The following EPHA7 variants were observed in gnomAD, a reference collection of about 807,000 sequenced individuals.
EPHA7 encodes the protein EPH receptor A7, also known as ephrin type-A receptor 7.
Under a neutral mutation model 112.6 loss-of-function variants are expected in EPHA7, and 25 were observed. That is an observed-to-expected ratio of 0.22 (90% CI 0.16 to 0.31). EPHA7 has a LOEUF of 0.31. Among genes scored for constraint, EPHA7 ranks in the 10% least tolerant of loss-of-function variants. The probability of loss-of-function intolerance (pLI) is 1.00; values close to 1 mark genes in which losing one functional copy is unlikely to be tolerated. For missense variants in EPHA7, 962 were observed against 1,212.6 expected (o/e 0.79, Z 3.07); for synonymous variants, 437 against 406.5 (o/e 1.07, Z -0.90).
chr6:93,277,694 T>C (rs1771534194), intron 5 of EPHA7, among the ~76,000 whole-genome samples: 1 of 152,006 alleles, frequency 6.6e-6, no homozygotes, highest in South Asian at 2.1e-4. Context: ...ATTATGTTAT[T>C]TGCATTGCTA....
rs1018100619 is a variant in EPHA7, at chr6:93,358,514, T to C, written c.833-103A>G. The C allele has an allele frequency of 8.1e-5, 76 of 937,886 alleles. No homozygotes were observed. In the Middle Eastern group the frequency reaches 1.4e-3, roughly 17 times the overall value. The allele number at this position is 937,886 out of a possible 1,614,324, so 58.1% of individuals were successfully genotyped here. A position where few individuals can be genotyped will look rare whatever the true frequency, so the allele number is the denominator to read the frequency against. On this transcript the variant is annotated intron_variant, in intron 3 of 16. Coordinates refer to ENST00000369303, the MANE Select transcript of EPHA7 (RefSeq NM_004440.4). ...GGAATCAAATATTAAATGTGATGTA[T>C]GTAAAACAAGCTCTTGATGATAAAA...
intron 5 of EPHA7, among the ~76,000 whole-genome samples, chr6:93,308,541 T>C (rs1773373631): frequency 6.6e-6 from 1 of 152,128 alleles, no homozygotes; most frequent in Non-Finnish European, 1.5e-5. Context: ...TTCTGAGATG[T>C]ACACAGAAAG....
chr6:93,366,495 T>A (rs1776517161), intron 3 of EPHA7, among the ~76,000 whole-genome samples: 1 of 152,182 alleles, frequency 6.6e-6, no homozygotes, highest in Admixed American at 6.5e-5. Flanking sequence ...ATGCTGTCTT[T>A]AAAAAATGCA....
intron 14 of EPHA7, among the ~76,000 whole-genome samples, chr6:93,247,354 C>G (rs1769999491): frequency 1.3e-5 from 2 of 152,158 alleles, no homozygotes; most frequent in Non-Finnish European, 2.9e-5. Context: ...AATAATTCTG[C>G]AAGTTGTAAA....
chr6:93,333,332 G>T (rs1283523414), intron 5 of EPHA7, among the ~76,000 whole-genome samples: 1 of 151,714 alleles, frequency 6.6e-6, no homozygotes, highest in African/African-American at 2.4e-5. Flanking sequence ...ACTGTAAATT[G>T]TGCTGTGACG....
intron 5 of EPHA7, among the ~76,000 whole-genome samples, chr6:93,349,766 T>C (rs1775595511): frequency 1.3e-5 from 2 of 151,920 alleles, no homozygotes; most frequent in Non-Finnish European, 2.9e-5. Context: ...CAAATTTAAA[T>C]GGAATTAATT....
chr6:93,274,956 G>A (rs982654094), intron 5 of EPHA7, among the ~76,000 whole-genome samples: 4 of 151,818 alleles, frequency 2.6e-5, no homozygotes, highest in Non-Finnish European at 5.9e-5. Context: ...GTGGCATAAG[G>A]TATGTTAATC....
rs574035215 is a variant in EPHA7, at chr6:93,251,474, C to T, written c.2532+3173G>A. Among the ~76,000 whole-genome samples, 40 of 150,270 alleles carry T rather than the reference C, an allele frequency of 2.7e-4. 1 individual carries two copies. The highest frequency in any genetic ancestry group is 1.0e-3 in the Admixed American group (15 of 14,924). On this transcript the variant is annotated intron_variant, in intron 14 of 16. Coordinates refer to ENST00000369303, the MANE Select transcript of EPHA7 (RefSeq NM_004440.4). ...TATATAAGAAAAAAATACTTTCTTA[C>T]GTTATTTTTTTAAAAATACTTTTTT...
At chr6:93,265,350 T>TA (rs925697144) in intron 7 of EPHA7, among the ~76,000 whole-genome samples, 5 of 151,676 alleles carry the variant, frequency 3.3e-5, no homozygotes, top group African/African-American at 1.2e-4. Flanking sequence ...GCAAGTGCTT[T>TA]AAAAAACACT....
chr6:93,389,856 A>G (rs1216392053), intron 3 of EPHA7, among the ~76,000 whole-genome samples: 1 of 152,012 alleles, frequency 6.6e-6, no homozygotes, highest in East Asian at 1.9e-4. Flanking sequence ...ACAGAATAAA[A>G]CAATAAATAC....
rs199497525 is a variant in EPHA7, at chr6:93,264,719, T to C, written c.1634-17A>G. The C allele has an allele frequency of 1.0e-4, 154 of 1,519,412 alleles. No homozygotes were observed. Among genetic ancestry groups the C allele is most frequent in the Admixed American group, 6.9e-4 (37 of 53,522 alleles). The allele number at this position is 1,519,412 out of a possible 1,614,324, so 94.1% of individuals were successfully genotyped here. On this transcript the variant is annotated splice_polypyrimidine_tract_variant and intron_variant, in intron 7 of 16. Transcript: ENST00000369303. ...CAGCTGTAGCTGTAAACAGAGGAAA[T>C]AGGCTCAGAAATACTTGACACCATG...
chr6:93,310,216 T>G (rs535640632), intron 5 of EPHA7, among the ~76,000 whole-genome samples: 1 of 152,208 alleles, frequency 6.6e-6, no homozygotes, highest in Non-Finnish European at 1.5e-5. Flanking sequence ...ATGACTTCAA[T>G]GGAGAAAGTT....
intron 4 of EPHA7, among the ~76,000 whole-genome samples, chr6:93,357,608 A>T (rs910796876): frequency 6.6e-6 from 1 of 151,704 alleles, no homozygotes. Context: ...TAATTCAGAA[A>T]CCATTACTTT....
chr6:93,356,041 A>G (rs76274408), intron 5 of EPHA7, among the ~76,000 whole-genome samples: 3,459 of 152,258 alleles, frequency 0.023, 139 homozygotes, highest in African/African-American at 0.078. Context: ...CTCTTTCATT[A>G]TTCCTAATTA....
chr6:93,360,629 T>C (rs1447755730), intron 3 of EPHA7, among the ~76,000 whole-genome samples: 4 of 152,232 alleles, frequency 2.6e-5, no homozygotes, highest in African/African-American at 9.6e-5. Flanking sequence ...CTAATTCCCC[T>C]TTTTCCACAA....
intron 15 of EPHA7, among the ~76,000 whole-genome samples, chr6:93,246,340 G>C (rs1016983437): frequency 6.6e-6 from 1 of 152,032 alleles, no homozygotes; most frequent in Non-Finnish European, 1.5e-5. Flanking sequence ...GTGAGCCACC[G>C]CACCTAGCCT....
At chr6:93,263,824 G>C in intron 9 of EPHA7, 36 bp downstream of exon 9, 1 of 1,563,974 alleles carries the variant, frequency 6.4e-7, no homozygotes, top group Non-Finnish European at 8.8e-7. Context: ...TCTGTTAATA[G>C]GGGTACATCA....
chr6:93,275,286 T>G (rs1177033568), intron 5 of EPHA7, among the ~76,000 whole-genome samples: 1 of 151,754 alleles, frequency 6.6e-6, no homozygotes, highest in Admixed American at 6.6e-5. Flanking sequence ...AGATAATAAA[T>G]AGTAACCAAC....
rs563449182 is a variant in EPHA7 at position 93,307,177 on chromosome 6, A to G, written c.1325-34755T>C. Among the ~76,000 whole-genome samples, 8 of 152,110 alleles carry G rather than the reference A, an allele frequency of 5.3e-5. No individual in the cohort carries two copies. The East Asian group carries it at 1.5e-3, about 29-fold the overall frequency. ...ATGATACCAATTATTGCATCAACCA[A>G]ATGTTAGATATTCTGTATTTTTTTA... On this transcript the variant is annotated intron_variant, in intron 5 of 16. Coordinates refer to ENST00000369303, the MANE Select transcript of EPHA7 (RefSeq NM_004440.4).
Sources: allele counts gnomAD v4.1 joint callset (sites outside exome capture counted in the v4.1 genomes callset), GRCh38; gene constraint gnomAD v4.1.1; transcripts MANE v1.5; gene names NCBI Gene and HGNC (gene_info 2026-07-23, HGNC 2026-07-21).